Variants in ASAP3 observed in about 807,000 individuals in gnomAD.
The protein encoded by ASAP3 is ArfGAP with SH3 domain, ankyrin repeat and PH domain 3.
Under a neutral mutation model 118.2 loss-of-function variants are expected in ASAP3, and 85 were observed. The ratio of observed to expected loss-of-function variants is 0.72; its 90% confidence interval spans 0.60 to 0.86. ASAP3 has a LOEUF of 0.86. Among genes scored for constraint, ASAP3 ranks in the 40% least tolerant of loss-of-function variants. The probability of loss-of-function intolerance (pLI) is 0.00; values close to 1 mark genes in which losing one functional copy is unlikely to be tolerated. For missense variants in ASAP3, 1,026 were observed against 1,175.0 expected (o/e 0.87, Z 1.85); for synonymous variants, 432 against 477.4 (o/e 0.90, Z 1.24).
At chr1:23,451,632 G>A in intron 4 of ASAP3, 104 bp from the exon 5 acceptor site, 1 of 1,270,504 alleles carries the variant, frequency 7.9e-7, no homozygotes, top group African/African-American at 1.5e-5. Context: ...GCTCCCCTGA[G>A]CTGCTCAGAG....
chr1:23,438,942 TGTGTTTCTCCTCACCCAGC>T lies in ASAP3; in HGVS notation c.1015-127_1015-109del. The T allele has an allele frequency of 7.9e-7, 1 of 1,267,114 alleles. No individual in the cohort carries two copies. The highest frequency in any genetic ancestry group is 1.1e-6 in the Non-Finnish European group (1 of 884,962). 78.5% of individuals were successfully genotyped at this position (1,267,114 alleles called of 1,614,324 possible). ...ATGGGCATAATCATCCTGTTCCATTTGTGTTTCTCCTCACCCAGCAGCACCTCAAGGATGTGAAGTGTAG... is the reference window on the plus strand; with the variant it reads ...ATGGGCATAATCATCCTGTTCCATTTAGCACCTCAAGGATGTGAAGTGTAG... On this transcript the variant is annotated intron_variant, in intron 11 of 24. Coordinates refer to ENST00000336689, the MANE Select transcript of ASAP3 (RefSeq NM_017707.4). The surrounding 1 kb of genome is among the most constrained non-coding windows in gnomAD (Gnocchi z 4.9).
intron 3 of ASAP3, among the ~76,000 whole-genome samples, chr1:23,453,182 ACT>A (rs1242235168): frequency 1.3e-5 from 2 of 151,586 alleles, no homozygotes; most frequent in African/African-American, 4.9e-5. Flanking sequence ...CTCCTCTCTG[ACT>A]CTCTCAAGTT....
chr1:23,434,699 T>A (rs1369162426), intron 17 of ASAP3, 81 bp from the exon 18 acceptor site: 1 of 1,351,844 alleles, frequency 7.4e-7, no homozygotes, highest in Non-Finnish European at 1.0e-6. Flanking sequence ...GAACTCTTGC[T>A]AACCCCTTAT....
intron 1 of ASAP3, among the ~76,000 whole-genome samples, chr1:23,481,902 C>A (rs1030012420): frequency 2.6e-5 from 4 of 152,302 alleles, no homozygotes; most frequent in African/African-American, 7.2e-5. Flanking sequence ...CTGAGCTATT[C>A]TGGGTCATGA....
Position 23,436,716 on chromosome 1 carries a change from G to T in ASAP3, c.1477-62C>A, listed in dbSNP as rs1334411321. The T allele has an allele frequency of 4.4e-6, 7 of 1,600,980 alleles. No homozygotes were observed. The highest frequency in any genetic ancestry group is 6.0e-6 in the Non-Finnish European group (7 of 1,168,942). On this transcript the variant is annotated intron_variant, in intron 15 of 24. Coordinates refer to ENST00000336689, the MANE Select transcript of ASAP3 (RefSeq NM_017707.4). This position sits in a 1 kb window ranked among gnomAD's most constrained non-coding sequence, Gnocchi z 4.2. ...GACCGGGCGGTTAAGCCTGCATAGGGTGGAGCTCCAAGCCCCCAGAGTCCC... is the reference window on the plus strand; with the variant it reads ...GACCGGGCGGTTAAGCCTGCATAGGTTGGAGCTCCAAGCCCCCAGAGTCCC...
At chr1:23,469,475 T>C (rs1489018889) in intron 1 of ASAP3, among the ~76,000 whole-genome samples, 3 of 152,108 alleles carry the variant, frequency 2.0e-5, no homozygotes, top group Non-Finnish European at 4.4e-5. Context: ...ATAGAAAGTT[T>C]AACTCCAGGG....
chr1:23,429,776 C>CAG lies in ASAP3; in HGVS notation c.*78_*79dup. 7.2e-7 allele frequency: 1 copy of CAG among 1,398,374 alleles called. No individual in the cohort carries two copies. The highest frequency in any genetic ancestry group is 9.9e-7 in the Non-Finnish European group (1 of 1,011,590). 86.6% of individuals were successfully genotyped at this position (1,398,374 alleles called of 1,614,324 possible). ...GTGAGATCCAAGAGAACAAATGTCT[C>CAG]AGCTCCCCAGTTTTGTGAGCTCAAG... On this transcript the variant is annotated 3_prime_UTR_variant, in exon 25 of 25. Transcript: ENST00000336689.
chr1:23,434,939 T>A (rs1640584818), intron 17 of ASAP3, among the ~76,000 whole-genome samples: 1 of 152,190 alleles, frequency 6.6e-6, no homozygotes, highest in East Asian at 1.9e-4. Context: ...ATCACACATG[T>A]GCAGGCTGTT....
chr1:23,436,861 A>G lies in ASAP3; in HGVS notation c.1476+50T>C, dbSNP rs1323763430. ...GCAAGCCCCGCCCCCGGATGAAACT[A>G]CACCCCTAACTCCGCTTCTGGCCCC... On this transcript the variant is annotated intron_variant, in intron 15 of 24. Coordinates refer to ENST00000336689, the MANE Select transcript of ASAP3 (RefSeq NM_017707.4). The surrounding 1 kb of genome is among the most constrained non-coding windows in gnomAD (Gnocchi z 4.2). The G allele has an allele frequency of 2.5e-6, 4 of 1,587,468 alleles. No individual in the cohort carries two copies. The African/African-American group carries it at 5.4e-5, about 22-fold the overall frequency.
Position 23,437,247 on chromosome 1 carries a change from G to C in ASAP3, c.1225C>G (p.Pro409Ala), listed in dbSNP as rs1439257454. Residue 409 changes from proline (P) to alanine (A), a missense_variant, in exon 14 of 25, where the codon CCG becomes GCG. Pro to Ala is a conservative substitution (Grantham distance 27). Transcript: ENST00000336689. This position sits in a 1 kb window ranked among gnomAD's most constrained non-coding sequence, Gnocchi z 6.1. The stretch of plus-strand genomic sequence containing the variant: ...TGGCCGGCGGACCCCCAGGACCCCG[G>C]GCCAGCGCTGGGCTCCCCGAGGAAG... ...SAFLGEPSAG[P>A]GSWGSAGHDG... The C allele has an allele frequency of 6.3e-7, 1 of 1,590,784 alleles. No individual in the cohort carries two copies. The highest frequency in any genetic ancestry group is 2.3e-5 in the East Asian group (1 of 43,682).
At chr1:23,466,480 C>G (rs1023217672) in intron 1 of ASAP3, among the ~76,000 whole-genome samples, 1 of 152,202 alleles carries the variant, frequency 6.6e-6, no homozygotes, top group Non-Finnish European at 1.5e-5. Context: ...GGCCTAAATT[C>G]CAGCTGCTGG....
At chr1:23,455,846 CCT>C (rs780200990) in intron 3 of ASAP3, 33 bp downstream of exon 3, 22 of 1,611,974 alleles carry the variant, frequency 1.4e-5, no homozygotes, top group Non-Finnish European at 1.7e-5. Context: ...CTAGATTTAC[CCT>C]GAGTCTGGGC....
chr1:23,464,914 T>C (rs144508863), intron 1 of ASAP3, among the ~76,000 whole-genome samples: 1 of 152,292 alleles, frequency 6.6e-6, no homozygotes, highest in Non-Finnish European at 1.5e-5. Flanking sequence ...ACTGTTCTAA[T>C]TCTCTTCAGA....
At chr1:23,433,757 A>C in intron 19 of ASAP3, 64 bp from the exon 20 acceptor site, 1 of 1,602,834 alleles carries the variant, frequency 6.2e-7, no homozygotes, top group Non-Finnish European at 8.5e-7. Context: ...TTAGAGATTA[A>C]GACGGGCCTC....
Position 23,429,740 on chromosome 1 carries a change from G to C in ASAP3, c.*116C>G. 1 of 1,060,788 alleles carries C rather than the reference G, an allele frequency of 9.4e-7. No homozygotes were observed. The highest frequency in any genetic ancestry group is 1.4e-6 in the Non-Finnish European group (1 of 732,434). 65.7% of individuals were successfully genotyped at this position (1,060,788 alleles called of 1,614,324 possible). ...AGAAGGCCAGCTACAGAGGCACAAG[G>C]GACAGAGAGAGTGAGATCCAAGAGA... On this transcript the variant is annotated 3_prime_UTR_variant, in exon 25 of 25. Coordinates refer to ENST00000336689, the MANE Select transcript of ASAP3 (RefSeq NM_017707.4).
intron 3 of ASAP3, among the ~76,000 whole-genome samples, chr1:23,455,280 C>A (rs1490081436): frequency 6.6e-6 from 1 of 152,174 alleles, no homozygotes; most frequent in African/African-American, 2.4e-5. Flanking sequence ...ACTGTGCCTG[C>A]ACATGGGAAG....
intron 5 of ASAP3, among the ~76,000 whole-genome samples, chr1:23,443,276 A>C (rs1244746133): frequency 6.6e-6 from 1 of 152,134 alleles, no homozygotes; most frequent in South Asian, 2.1e-4. Flanking sequence ...TGCAGTGGTG[A>C]AGCCTGGGCT....
intron 5 of ASAP3, 138 bp from the exon 6 acceptor site, chr1:23,442,750 G>T: frequency 7.7e-7 from 1 of 1,296,398 alleles, no homozygotes; most frequent in Non-Finnish European, 1.0e-6. Flanking sequence ...TGGGTACAAT[G>T]AACAAGACAG....
rs2148671519 is a variant in ASAP3 at position 23,484,090 on chromosome 1, G to A, written c.44C>T (p.Ala15Val). The change falls in exon 1 of 25, where the codon GCG becomes GTG. Residue 15 changes from alanine (A) to valine (V), a missense_variant. Coordinates refer to ENST00000336689, the MANE Select transcript of ASAP3 (RefSeq NM_017707.4). ...CCCAGCCGGGGAGCTGAGGTCCTCC[G>A]CGGTGACGGCCAGGAACTCGGCGAC... is the stretch of plus-strand genomic sequence containing the variant. Reference protein sequence around the residue: ...FSVAEFLAVTAEDLSSPAGAA... With the variant: ...FSVAEFLAVTVEDLSSPAGAA... The A allele has an allele frequency of 7.4e-7, 1 of 1,346,522 alleles. No individual in the cohort carries two copies. Among genetic ancestry groups the A allele is most frequent in the Non-Finnish European group, 9.5e-7 (1 of 1,050,900 alleles). The allele number at this position is 1,346,522 out of a possible 1,614,324, so 83.4% of individuals were successfully genotyped here.
Sources: gnomAD v4.1 joint callset for allele counts (sites outside exome capture counted in the v4.1 genomes callset) on GRCh38, gnomAD v4.1.1 for gene constraint, Gnocchi (gnomAD v3.1) non-coding constraint, MANE v1.5 for transcripts, NCBI Gene and HGNC (gene_info 2026-07-23, HGNC 2026-07-21) for gene names.